The following ZFHX3 variants were observed in gnomAD, a reference collection of about 807,000 sequenced individuals.
ZFHX3 encodes the protein zinc finger homeobox protein 3.
A neutral mutation model predicts 279.1 loss-of-function variants in ZFHX3; 42 were observed. The observed-to-expected ratio is 0.15, with a 90% CI of 0.12 to 0.19. The LOEUF is 0.19. Ranked by LOEUF, ZFHX3 falls within the 10% of genes least tolerant of loss-of-function variation. The pLI is 1.00. For synonymous variants in ZFHX3, 2,293 were observed against 1,957.8 expected (o/e 1.17, Z -4.52); for missense variants, 4,981 against 4,754.0 (o/e 1.05, Z -1.40).
chr16:73,363,098 G>A (rs1323882080), intron 3 of ZFHX3, among the ~76,000 whole-genome samples: 1 of 152,088 alleles, frequency 6.6e-6, no homozygotes. Flanking sequence ...TGTGAGTCCT[G>A]GTGGCCAGGC....
At chr16:72,930,133 A>G (rs1169361550) in intron 3 of ZFHX3, among the ~76,000 whole-genome samples, 1 of 152,128 alleles carries the variant, frequency 6.6e-6, no homozygotes, top group East Asian at 1.9e-4. Context: ...CAGGAGAATC[A>G]CTTGAACACG....
intron 3 of ZFHX3, among the ~76,000 whole-genome samples, chr16:72,902,467 G>A (rs1344148893): frequency 6.6e-6 from 1 of 152,214 alleles, no homozygotes; most frequent in Non-Finnish European, 1.5e-5. Context: ...AAACAGATCA[G>A]CCCTTAATGA....
intron 2 of ZFHX3, among the ~76,000 whole-genome samples, chr16:73,661,973 G>GT (rs5817862): frequency 2.8e-5 from 4 of 144,140 alleles, no homozygotes; most frequent in Non-Finnish European, 4.5e-5. Context: ...TTTTTTTTTT[G>GT]TTTTTTTTTT....
rs894554871 is a variant in ZFHX3 at position 73,048,026 on chromosome 16, G to C, written c.-324C>G. ...GAGGGAGGTCCCCGGGACGCGGCGG[G>C]GATTCACCCACGGGGCGCGGCGCTG... On this transcript the variant is annotated 5_prime_UTR_variant, in exon 1 of 10. Transcript: ENST00000268489. 6.6e-6 allele frequency: 1 copy of C among 151,190 alleles called. No homozygotes were observed. Among genetic ancestry groups the C allele is most frequent in the Non-Finnish European group, 1.5e-5 (1 of 67,628 alleles). The allele number at this position is 151,190 out of a possible 1,614,324, so 9.4% of individuals were successfully genotyped here.
rs535289470 is a variant in ZFHX3 at position 73,242,832 on chromosome 16, G to A, written c.-1104+14215C>T. Among the ~76,000 whole-genome samples the A allele has an allele frequency of 2.6e-5, 4 of 152,352 alleles. No individual in the cohort carries two copies. In the East Asian group the frequency reaches 7.7e-4, roughly 29 times the overall value. On this transcript the variant is annotated intron_variant, in intron 5 of 17. Coordinates refer to the ZFHX3 transcript ENST00000641206. ...GCCATTTCAAGGTGCCAGCAACCTT[G>A]CCATCAGTGTGGAGGTGTGGGGTAG... is the stretch of plus-strand genomic sequence containing the variant.
Position 72,787,226 on chromosome 16 carries a change from C to T in ZFHX3, c.11050G>A (p.Asp3684Asn), listed in dbSNP as rs747085182. 3.1e-6 allele frequency: 5 copies of T among 1,613,898 alleles called. No individual in the cohort carries two copies. In the South Asian group the frequency reaches 5.5e-5, roughly 18 times the overall value. ...GPASPVEGPKDPSCPKDSGLT... is the reference protein window; with the variant it reads ...GPASPVEGPKNPSCPKDSGLT... ...CCACTGTCCTTGGGGCAGCTGGGGT[C>T]TTTGGGACCCTCCACCGGGCTCGCC... The change falls in exon 10 of 10, where the codon GAC becomes AAC. Residue 3684 changes from aspartate to asparagine, a missense_variant. Coordinates refer to ENST00000268489, the MANE Select transcript of ZFHX3 (RefSeq NM_006885.4).
In ZFHX3 at chr16:73,304,511, T is replaced by G. The variant is rs543228307; in HGVS notation, c.-1194+13729A>C. Among the ~76,000 whole-genome samples, 8 of 152,216 alleles carry G rather than the reference T, an allele frequency of 5.3e-5. No homozygotes were observed. The South Asian group carries it at 1.7e-3, about 32-fold the overall frequency. ...ATTCAGCTTTCCTTTGTGCAAGTAT[T>G]AATCTGCCCGGTCCCATCCCCCACT... On this transcript the variant is annotated intron_variant, in intron 4 of 17. Transcript: ENST00000641206.
intron 7 of ZFHX3, among the ~76,000 whole-genome samples, chr16:73,107,015 T>C (rs955381997): frequency 6.6e-6 from 1 of 152,178 alleles, no homozygotes; most frequent in African/African-American, 2.4e-5. Flanking sequence ...AGTATGTATT[T>C]TAAAAATCAT....
chr16:73,417,405 T>TC (rs1243582360), intron 3 of ZFHX3, among the ~76,000 whole-genome samples: 5 of 148,562 alleles, frequency 3.4e-5, no homozygotes, highest in Non-Finnish European at 7.4e-5. Flanking sequence ...TCTTTTTTTT[T>TC]TTTTTTTTTG....
At chr16:72,839,578 TGA>T (rs2037292405) in intron 4 of ZFHX3, among the ~76,000 whole-genome samples, 2 of 151,334 alleles carry the variant, frequency 1.3e-5, no homozygotes, top group Non-Finnish European at 2.9e-5. Flanking sequence ...GAGAGGAGGA[TGA>T]GAGAGAGGAA....
chr16:72,842,444 C>T (rs186596709), intron 4 of ZFHX3, among the ~76,000 whole-genome samples: 2 of 152,066 alleles, frequency 1.3e-5, no homozygotes, highest in Admixed American at 6.5e-5. Context: ...AAAGGAAACT[C>T]GAAACAAATG....
chr16:73,739,889 AC>A (rs1206401065), intron 1 of ZFHX3, among the ~76,000 whole-genome samples: 5 of 151,958 alleles, frequency 3.3e-5, no homozygotes, highest in Non-Finnish European at 5.9e-5. Context: ...ACTCTTCTCT[AC>A]CCCCAATGAC....
chr16:73,251,638 T>C (rs893267579), intron 5 of ZFHX3, among the ~76,000 whole-genome samples: 9 of 151,790 alleles, frequency 5.9e-5, no homozygotes, highest in Non-Finnish European at 8.8e-5. Context: ...GAAAAACAGA[T>C]AGATTAGGTT....
chr16:73,837,209 A>G (rs1488169476), intron 1 of ZFHX3, among the ~76,000 whole-genome samples: 4 of 152,356 alleles, frequency 2.6e-5, no homozygotes, highest in Non-Finnish European at 4.4e-5. Flanking sequence ...GGGCCATATG[A>G]ATAAATTAAC....
chr16:72,849,476 T>G (rs2037558981), intron 4 of ZFHX3, among the ~76,000 whole-genome samples: 1 of 152,044 alleles, frequency 6.6e-6, no homozygotes, highest in Non-Finnish European at 1.5e-5. Context: ...CCTGCCAAGA[T>G]GGTGCCCACG....
At chr16:73,152,781 T>G (rs1234344256) in intron 5 of ZFHX3, among the ~76,000 whole-genome samples, 2 of 60,426 alleles carry the variant, frequency 3.3e-5, no homozygotes, top group African/African-American at 6.8e-5. Context: ...AAAAAAGCCC[T>G]GGCCTGGGCT....
At chr16:72,841,139 C>G (rs141444770) in intron 4 of ZFHX3, among the ~76,000 whole-genome samples, 5 of 152,170 alleles carry the variant, frequency 3.3e-5, no homozygotes, top group Admixed American at 1.3e-4. Context: ...CTGGTGCCAG[C>G]GGAGAAGAGC....
intron 3 of ZFHX3, among the ~76,000 whole-genome samples, chr16:73,381,636 GA>G (rs2016819725): frequency 6.6e-6 from 1 of 152,176 alleles, no homozygotes; most frequent in African/African-American, 2.4e-5. Flanking sequence ...TTTCTATAAG[GA>G]GCCAGATAGT....
At chr16:72,986,589 T>C (rs1438339097) in intron 1 of ZFHX3, among the ~76,000 whole-genome samples, 3 of 152,166 alleles carry the variant, frequency 2.0e-5, no homozygotes, top group Admixed American at 6.5e-5. Context: ...AACTCCTTCT[T>C]GGTCACAGAC....
Sources: gnomAD v4.1 joint callset for allele counts (sites outside exome capture counted in the v4.1 genomes callset) on GRCh38, gnomAD v4.1.1 for gene constraint, MANE v1.5 for transcripts, NCBI Gene and HGNC (gene_info 2026-07-23, HGNC 2026-07-21) for gene names.